NTM: variants seen among roughly 807,000 people sequenced by gnomAD.
NTM encodes the protein IgLON family member 2.
NTM carries 13 observed loss-of-function variants against 42.1 expected under a neutral mutation model. That is an observed-to-expected ratio of 0.31 (90% confidence interval 0.20 to 0.49). The LOEUF (loss-of-function observed/expected upper bound fraction) is 0.49. NTM is among the 20% of genes least tolerant of loss of function. The probability of loss-of-function intolerance (pLI) is 0.99; values close to 1 mark genes in which losing one functional copy is unlikely to be tolerated. For missense variants in NTM, 373 were observed against 452.8 expected (o/e 0.82, Z 1.60); for synonymous variants, 187 against 179.2 (o/e 1.04, Z -0.35).
intron 1 of NTM, among the ~76,000 whole-genome samples, chr11:131,792,439 C>T (rs1469291951): frequency 1.3e-5 from 2 of 152,072 alleles, no homozygotes; most frequent in African/African-American, 4.8e-5. Context: ...GGTGACTCAC[C>T]AGCCAAGCCG....
intron 1 of NTM, among the ~76,000 whole-genome samples, chr11:131,682,176 T>C (rs2073064519): frequency 6.6e-6 from 1 of 152,168 alleles, no homozygotes; most frequent in Non-Finnish European, 1.5e-5. Flanking sequence ...CTGCAAGGTC[T>C]CACCCGTTCC....
At chr11:131,787,597 G>A (rs770150490) in intron 1 of NTM, among the ~76,000 whole-genome samples, 1 of 152,050 alleles carries the variant, frequency 6.6e-6, no homozygotes, top group Non-Finnish European at 1.5e-5. Flanking sequence ...TGTTGGCCAG[G>A]ATGGTCTGGA....
chr11:131,722,020 AAAGAG>A (rs1565467560), intron 1 of NTM, among the ~76,000 whole-genome samples: 1 of 148,646 alleles, frequency 6.7e-6, no homozygotes, highest in African/African-American at 2.5e-5. Context: ...AAAAAAAAAA[AAAGAG>A]AGAAAGAAAG....
At chr11:131,656,163 A>G (rs1208002953) in intron 1 of NTM, among the ~76,000 whole-genome samples, 2 of 152,234 alleles carry the variant, frequency 1.3e-5, no homozygotes, top group African/African-American at 4.8e-5. Context: ...TGGGTAGGTA[A>G]AGGGAGAAGG....
intron 1 of NTM, among the ~76,000 whole-genome samples, chr11:131,412,222 C>A (rs778115530): frequency 2.6e-5 from 4 of 152,168 alleles, no homozygotes; most frequent in South Asian, 2.1e-4. Context: ...TTGTTTGGGG[C>A]TCATGGGCCT....
intron 2 of NTM, among the ~76,000 whole-genome samples, chr11:132,069,643 G>T (rs112969840): frequency 6.9e-6 from 1 of 144,724 alleles, no homozygotes; most frequent in Non-Finnish European, 1.5e-5. Context: ...TAGTTAACAG[G>T]TCACCCAGCC....
chr11:131,722,462 T>C (rs2078482109), intron 1 of NTM, among the ~76,000 whole-genome samples: 1 of 152,220 alleles, frequency 6.6e-6, no homozygotes, highest in Non-Finnish European at 1.5e-5. Flanking sequence ...TTCAAGCACA[T>C]AAATGATTGA....
chr11:132,011,119 A>G (rs2135419826), intron 2 of NTM, among the ~76,000 whole-genome samples: 1 of 152,108 alleles, frequency 6.6e-6, no homozygotes, highest in South Asian at 2.1e-4. Context: ...TATCCCTTAT[A>G]ACAATTAGGT....
chr11:132,321,036 C>A (rs2095556257), intron 7 of NTM, among the ~76,000 whole-genome samples: 1 of 151,358 alleles, frequency 6.6e-6, no homozygotes, highest in African/African-American at 2.4e-5. Flanking sequence ...ACATCACCAT[C>A]ATCAAAGACC....
intron 1 of NTM, among the ~76,000 whole-genome samples, chr11:131,811,949 G>A (rs1050464300): frequency 2.6e-5 from 4 of 152,154 alleles, no homozygotes; most frequent in African/African-American, 9.7e-5. Context: ...TACCGTTCCT[G>A]GATCAAGTAT....
chr11:131,697,841 C>A (rs2075639370), intron 1 of NTM, among the ~76,000 whole-genome samples: 1 of 152,158 alleles, frequency 6.6e-6, no homozygotes, highest in Non-Finnish European at 1.5e-5. Context: ...CAGTTGTTTT[C>A]TCCTGTGCTT....
At chr11:131,849,430 G>A (rs965464400) in intron 1 of NTM, among the ~76,000 whole-genome samples, 3 of 152,098 alleles carry the variant, frequency 2.0e-5, no homozygotes, top group Non-Finnish European at 4.4e-5. Context: ...AGACACGACA[G>A]TGGTGAAGGC....
chr11:131,704,002 C>T lies in NTM; in HGVS notation c.83-207562C>T, dbSNP rs114930177. Among the ~76,000 whole-genome samples, 1,200 of 152,248 alleles carry T rather than the reference C, an allele frequency of 7.9e-3. 19 individuals are homozygous for T. Among genetic ancestry groups the T allele is most frequent in the African/African-American group, 0.027 (1,138 of 41,532 alleles). On this transcript the variant is annotated intron_variant, in intron 1 of 8. Coordinates refer to ENST00000683400, the MANE Select transcript of NTM (RefSeq NM_001352005.2). The stretch of plus-strand genomic sequence containing the variant: ...CAGGCTTTAGACCCACTTCAGCACC[C>T]GATCAGCACTAGTGACTCCAGACTC...
chr11:131,481,807 A>T (rs1809126324), intron 1 of NTM, among the ~76,000 whole-genome samples: 1 of 152,332 alleles, frequency 6.6e-6, no homozygotes, highest in Non-Finnish European at 1.5e-5. Flanking sequence ...GTTAAAAAAA[A>T]TTAAAAAATA....
chr11:131,789,641 A>G (rs1431189123), intron 1 of NTM, among the ~76,000 whole-genome samples: 2 of 125,864 alleles, frequency 1.6e-5, no homozygotes, highest in Non-Finnish European at 3.3e-5. Flanking sequence ...GAAGAAAAGA[A>G]GAAGAAGAAG....
intron 8 of NTM, among the ~76,000 whole-genome samples, chr11:132,332,975 G>T (rs867766023): frequency 6.6e-6 from 1 of 152,102 alleles, no homozygotes; most frequent in African/African-American, 2.4e-5. Flanking sequence ...GGGAGTGTGC[G>T]GGAATTGAAC....
intron 1 of NTM, among the ~76,000 whole-genome samples, chr11:131,878,534 C>T (rs1446719955): frequency 1.5e-5 from 2 of 132,888 alleles, no homozygotes; most frequent in Non-Finnish European, 3.1e-5. Context: ...GGCACCGCTG[C>T]ACTCCAGCCT....
At chr11:131,953,940 C>G (rs1437364817) in intron 2 of NTM, among the ~76,000 whole-genome samples, 1 of 152,252 alleles carries the variant, frequency 6.6e-6, no homozygotes, top group East Asian at 1.9e-4. Flanking sequence ...AGAAAGCCAG[C>G]CTTTCTTTCC....
intron 2 of NTM, among the ~76,000 whole-genome samples, chr11:131,979,324 A>T (rs538569919): frequency 6.6e-6 from 1 of 152,302 alleles, no homozygotes; most frequent in Non-Finnish European, 1.5e-5. Flanking sequence ...AAGCTGTCCA[A>T]TTTTTAGATC....
Sources: gnomAD v4.1 joint callset for allele counts (sites outside exome capture counted in the v4.1 genomes callset) on GRCh38, gnomAD v4.1.1 for gene constraint, MANE v1.5 for transcripts, NCBI Gene and HGNC (gene_info 2026-07-23, HGNC 2026-07-21) for gene names.